The following PCGF5 variants were observed in gnomAD, a reference collection of about 807,000 sequenced individuals.
PCGF5 encodes the protein polycomb group ring finger 5, also known as polycomb group RING finger protein 5.
A neutral mutation model predicts 44.3 loss-of-function variants in PCGF5; 9 were observed. That is an observed-to-expected ratio of 0.20 (90% CI 0.12 to 0.35). PCGF5 has a LOEUF of 0.35. PCGF5 is among the 10% of genes least tolerant of loss of function. The pLI is 1.00. For synonymous variants in PCGF5, 95 were observed against 102.5 expected, an observed-to-expected ratio of 0.93 and a Z score of 0.44; for missense variants, 146 against 305.3, an observed-to-expected ratio of 0.48 and a Z score of 3.89.
chr10:91,158,090 C>A (rs1029494841), upstream of PCGF5, among the ~76,000 whole-genome samples: 1 of 152,104 alleles, frequency 6.6e-6, no homozygotes, highest in African/African-American at 2.4e-5. Context: ...AATTAATACA[C>A]CCATATGTAG....
intron 1 of PCGF5, among the ~76,000 whole-genome samples, chr10:91,173,068 T>C (rs981891054): frequency 2.0e-5 from 3 of 152,208 alleles, no homozygotes; most frequent in Non-Finnish European, 1.5e-5. Context: ...GGAAAAAAAT[T>C]ACATCTGGTC....
intron 8 of PCGF5, among the ~76,000 whole-genome samples, chr10:91,265,258 C>T (rs1051243284): frequency 6.6e-6 from 1 of 152,026 alleles, no homozygotes; most frequent in African/African-American, 2.4e-5. Flanking sequence ...TAGGTTCAAG[C>T]ATGGGATATT....
In PCGF5 at chr10:91,184,782, C is replaced by CTCCA. The variant is rs1252570650; in HGVS notation, c.-184+21702_-184+21703insCCAT. ...TTTTCTGTAGTGCTGCTATGGTTTG[C>CTCCA]TAGGGGTCTGCTCCAGTCCCTAGTG... On this transcript the variant is annotated intron_variant, in intron 1 of 9. Coordinates refer to the PCGF5 transcript ENST00000614189. Among the ~76,000 whole-genome samples the CTCCA allele has an allele frequency of 2.0e-5, 3 of 151,912 alleles. No individual in the cohort carries two copies. In the East Asian group the frequency reaches 5.8e-4, roughly 29 times the overall value.
At chr10:91,276,332 T>A (rs1846312642) in intron 9 of PCGF5, among the ~76,000 whole-genome samples, 1 of 152,238 alleles carries the variant, frequency 6.6e-6, no homozygotes, top group Non-Finnish European at 1.5e-5. Flanking sequence ...ATTTGAAATG[T>A]ATTCTCTGAA....
chr10:91,222,375 AG>A (rs1844706399), intron 1 of PCGF5, among the ~76,000 whole-genome samples: 1 of 152,198 alleles, frequency 6.6e-6, no homozygotes, highest in Non-Finnish European at 1.5e-5. Context: ...TTGTATTGGC[AG>A]GGACTCCTAA....
chr10:91,159,145 A>G (rs949273490), upstream of PCGF5, among the ~76,000 whole-genome samples: 2 of 152,240 alleles, frequency 1.3e-5, no homozygotes, highest in African/African-American at 4.8e-5. Flanking sequence ...GCATCATAAG[A>G]CATAGCTTCA....
chr10:91,225,088 A>T (rs1327162790), intron 2 of PCGF5, among the ~76,000 whole-genome samples: 1 of 151,816 alleles, frequency 6.6e-6, no homozygotes, highest in African/African-American at 2.4e-5. Context: ...TTGGAAGAAA[A>T]TTTTCTTTGG....
At chr10:91,229,171 T>C (rs1844934201) in intron 2 of PCGF5, among the ~76,000 whole-genome samples, 1 of 152,212 alleles carries the variant, frequency 6.6e-6, no homozygotes, top group East Asian at 1.9e-4. Flanking sequence ...TATTTAAGCA[T>C]CAACAGATGT....
At chr10:91,225,563 G>A (rs964354803) in intron 2 of PCGF5, among the ~76,000 whole-genome samples, 4 of 151,868 alleles carry the variant, frequency 2.6e-5, no homozygotes, top group African/African-American at 9.6e-5. Flanking sequence ...TCTCTGAGGA[G>A]ATCTGAGGAT....
chr10:91,181,606 ATTGAG>A (rs1255320826), intron 1 of PCGF5, among the ~76,000 whole-genome samples: 3 of 152,198 alleles, frequency 2.0e-5, no homozygotes, highest in Non-Finnish European at 2.9e-5. Context: ...TTCTGCATCT[ATTGAG>A]TTAATTGTGG....
intron 1 of PCGF5, among the ~76,000 whole-genome samples, chr10:91,192,685 G>A (rs535159629): frequency 3.3e-5 from 5 of 152,258 alleles, no homozygotes; most frequent in South Asian, 4.2e-4. Flanking sequence ...AATAAAACAG[G>A]CATAGTAAAC....
intron 1 of PCGF5, among the ~76,000 whole-genome samples, chr10:91,167,060 C>A (rs927605443): frequency 9.9e-5 from 15 of 152,276 alleles, no homozygotes; most frequent in African/African-American, 3.6e-4. Context: ...ATATACAGTT[C>A]TCCTGCAATT....
chr10:91,250,805 T>C (rs1016895417), intron 5 of PCGF5, among the ~76,000 whole-genome samples: 4 of 151,418 alleles, frequency 2.6e-5, no homozygotes, highest in African/African-American at 7.3e-5. Flanking sequence ...ATTATACTCG[T>C]TTTTTTTCAC....
intron 1 of PCGF5, among the ~76,000 whole-genome samples, chr10:91,191,479 T>C (rs1844032820): frequency 6.6e-6 from 1 of 152,220 alleles, no homozygotes; most frequent in South Asian, 2.1e-4. Flanking sequence ...ACTTTCCATT[T>C]AATATTTTTG....
chr10:91,229,496 A>G (rs1404437064), intron 2 of PCGF5, among the ~76,000 whole-genome samples: 1 of 152,200 alleles, frequency 6.6e-6, no homozygotes, highest in Admixed American at 6.5e-5. Context: ...AACAGCCAGT[A>G]AGTGCTAGAG....
chr10:91,228,317 A>G (rs1265349465), intron 2 of PCGF5, among the ~76,000 whole-genome samples: 3 of 152,162 alleles, frequency 2.0e-5, no homozygotes, highest in Admixed American at 6.5e-5. Flanking sequence ...TGACCAATAC[A>G]GTGTATTGGT....
chr10:91,165,681 A>G (rs1051870055), intron 1 of PCGF5, among the ~76,000 whole-genome samples: 8 of 152,244 alleles, frequency 5.3e-5, no homozygotes, highest in African/African-American at 1.9e-4. Flanking sequence ...CATGTCGGTA[A>G]TGCCACAGAA....
chr10:91,220,446 T>C (rs1844635873), upstream of PCGF5: 1 of 152,526 alleles, frequency 6.6e-6, no homozygotes, highest in Non-Finnish European at 1.5e-5. Flanking sequence ...ACCGAGATAA[T>C]ATTTGGCCAG....
rs374755655 is a variant in PCGF5, at chr10:91,195,700, G to A, written c.-183-26989G>A. Among the ~76,000 whole-genome samples, 7 of 151,920 alleles carry A rather than the reference G, an allele frequency of 4.6e-5. No individual in the cohort carries two copies. In the East Asian group the frequency reaches 5.8e-4, roughly 13 times the overall value. ...AATCCTCCTGCTTTGGCCTCCCAGT[G>A]TTGGGATTACAGGCATGAGCCACCA... On this transcript the variant is annotated intron_variant, in intron 1 of 9. Transcript: ENST00000614189.
Sources: allele counts gnomAD v4.1 joint callset (sites outside exome capture counted in the v4.1 genomes callset), GRCh38; gene constraint gnomAD v4.1.1; transcripts MANE v1.5; gene names NCBI Gene and HGNC (gene_info 2026-07-23, HGNC 2026-07-21).